The following SEMA6D variants were observed in gnomAD, a reference collection of about 807,000 sequenced individuals.
SEMA6D encodes the protein semaphorin 6D.
SEMA6D carries 35 observed loss-of-function variants against 106.6 expected under a neutral mutation model. The ratio of observed to expected loss-of-function variants is 0.33; its 90% CI spans 0.25 to 0.44. SEMA6D has a LOEUF of 0.44. Among genes scored for constraint, SEMA6D ranks in the 20% least tolerant of loss-of-function variants. The pLI, the probability that SEMA6D is intolerant of heterozygous loss-of-function variation, is 1.00. For missense variants in SEMA6D, 1,185 were observed against 1,345.9 expected (o/e 0.88, Z 1.87); for synonymous variants, 499 against 487.7 (o/e 1.02, Z -0.31).
intron 1 of SEMA6D, among the ~76,000 whole-genome samples, chr15:47,297,103 T>C (rs1328133882): frequency 6.6e-6 from 1 of 152,194 alleles, no homozygotes; most frequent in Non-Finnish European, 1.5e-5. Context: ...GAATTCCCCA[T>C]TGCAAGCCAG....
intron 3 of SEMA6D, among the ~76,000 whole-genome samples, chr15:47,490,986 T>C (rs1333540343): frequency 1.3e-5 from 2 of 152,158 alleles, no homozygotes; most frequent in African/African-American, 4.8e-5. Context: ...TGAGTTTTCA[T>C]TCACATTGCT....
chr15:47,353,542 A>G (rs1360017937), intron 1 of SEMA6D, among the ~76,000 whole-genome samples: 7 of 152,182 alleles, frequency 4.6e-5, no homozygotes, highest in Non-Finnish European at 1.0e-4. Flanking sequence ...GAAGAATTCT[A>G]TGATTTCATC....
intron 2 of SEMA6D, among the ~76,000 whole-genome samples, chr15:47,439,498 G>A (rs1210019982): frequency 6.6e-6 from 1 of 152,122 alleles, no homozygotes; most frequent in Non-Finnish European, 1.5e-5. Flanking sequence ...CTCTGGGTGT[G>A]TGAACTCTCC....
At chr15:47,490,178 G>T (rs568224157) in intron 3 of SEMA6D, among the ~76,000 whole-genome samples, 7 of 152,262 alleles carry the variant, frequency 4.6e-5, no homozygotes, top group African/African-American at 1.7e-4. Context: ...TTCCTTGGGG[G>T]AAAGGACTAT....
rs1236811913 is a variant in SEMA6D, at chr15:47,471,925, T to TGTCA, written c.-87+1380_-87+1381insGTCA. On this transcript the variant is annotated intron_variant, in intron 3 of 19. Transcript: ENST00000558014. ...CTCTTTCTCTCTCTCTCTCTCTCTCTCTCTCTCACACACACACACACACAC... is the reference window on the plus strand; with the variant it reads ...CTCTTTCTCTCTCTCTCTCTCTCTCTGTCACTCTCTCACACACACACACACACAC... Among the ~76,000 whole-genome samples, 118 of 127,650 alleles carry TGTCA rather than the reference T, an allele frequency of 9.2e-4. 1 individual carries two copies. The highest frequency in any genetic ancestry group is 4.0e-3 in the African/African-American group (114 of 28,554). The allele number at this position is 127,650 out of a possible 152,430, so 83.7% of individuals were successfully genotyped here. A position where few individuals can be genotyped will look rare whatever the true frequency, so the allele number is the denominator to read the frequency against.
chr15:47,528,851 A>T (rs2044850380), intron 3 of SEMA6D, among the ~76,000 whole-genome samples: 1 of 152,216 alleles, frequency 6.6e-6, no homozygotes, highest in East Asian at 1.9e-4. Context: ...AACACAGTTG[A>T]AAGTTCACAT....
chr15:47,310,448 G>T (rs2036405571), intron 1 of SEMA6D, among the ~76,000 whole-genome samples: 1 of 152,144 alleles, frequency 6.6e-6, no homozygotes, highest in Admixed American at 6.5e-5. Context: ...TATTTGCAAT[G>T]AGCCAATTGC....
At chr15:47,531,138 C>A (rs77869356) in intron 3 of SEMA6D, among the ~76,000 whole-genome samples, 3,048 of 152,122 alleles carry the variant, frequency 0.02, 104 homozygotes, top group African/African-American at 0.07. Context: ...GAAAATAGGT[C>A]AAAGACATAT....
chr15:47,433,571 A>AT (rs1041232232), intron 2 of SEMA6D, among the ~76,000 whole-genome samples: 49 of 152,094 alleles, frequency 3.2e-4, no homozygotes, highest in African/African-American at 1.2e-3. Flanking sequence ...CATTTAATTT[A>AT]TTTTTTGCTT....
intron 1 of SEMA6D, among the ~76,000 whole-genome samples, chr15:47,372,100 C>T (rs2039294341): frequency 6.6e-6 from 1 of 152,200 alleles, no homozygotes; most frequent in African/African-American, 2.4e-5. Flanking sequence ...ATCCCCAGTC[C>T]TCAGCTCTTC....
chr15:47,227,978 T>C (rs2031887701), intron 1 of SEMA6D, among the ~76,000 whole-genome samples: 2 of 89,112 alleles, frequency 2.2e-5, no homozygotes, highest in Non-Finnish European at 2.2e-5. Context: ...ATATATTTTA[T>C]ATATATAAGA....
chr15:47,418,328 G>A (rs1267923368), intron 2 of SEMA6D, among the ~76,000 whole-genome samples: 3 of 152,110 alleles, frequency 2.0e-5, no homozygotes, highest in Non-Finnish European at 2.9e-5. Flanking sequence ...CTGCCATGCC[G>A]AGAGTGTCTT....
At chr15:47,301,711 A>C (rs2036026751) in intron 1 of SEMA6D, among the ~76,000 whole-genome samples, 1 of 152,198 alleles carries the variant, frequency 6.6e-6, no homozygotes, top group Non-Finnish European at 1.5e-5. Flanking sequence ...TTTCCCTCTT[A>C]GCAACAGCTG....
In SEMA6D at chr15:47,456,079, C is replaced by G. The variant is rs948515165; in HGVS notation, c.-158-14395C>G. ...AGTGGTAACTGCTTTACCTATTATC[C>G]CACTTAATCTTATTGTTCTTTAGGA... On this transcript the variant is annotated intron_variant, in intron 2 of 19. Transcript: ENST00000558014. 2.0e-5 allele frequency among the ~76,000 whole-genome samples: 3 copies of G among 151,814 alleles called. No homozygotes were observed. In the South Asian group the frequency reaches 6.2e-4, roughly 31 times the overall value.
In SEMA6D at chr15:47,348,429, G is replaced by A. The variant is rs146186572; in HGVS notation, c.-238-63964G>A. On this transcript the variant is annotated intron_variant, in intron 1 of 19. Coordinates refer to the SEMA6D transcript ENST00000558014. Reference sequence around the variant, plus strand: ...TACACACATAAGTACTGCATATGTCGGCTATTTTTATTACTGTTGCTACTA... The same window carrying A: ...TACACACATAAGTACTGCATATGTCAGCTATTTTTATTACTGTTGCTACTA... 4.2e-3 allele frequency among the ~76,000 whole-genome samples: 640 copies of A among 151,910 alleles called. 5 individuals carry two copies. Among genetic ancestry groups the A allele is most frequent in the African/African-American group, 0.013 (541 of 41,390 alleles).
intron 4 of SEMA6D, among the ~76,000 whole-genome samples, chr15:47,632,061 G>A (rs2077302288): frequency 6.6e-6 from 1 of 151,784 alleles, no homozygotes; most frequent in Admixed American, 6.6e-5. Context: ...TTAGAAGTGT[G>A]TTGTTTAATT....
intron 4 of SEMA6D, among the ~76,000 whole-genome samples, chr15:47,681,991 C>A (rs2078363976): frequency 6.6e-6 from 1 of 151,998 alleles, no homozygotes; most frequent in Non-Finnish European, 1.5e-5. Context: ...AAATAATATT[C>A]AATTTTTATA....
At chr15:47,761,955 G>T (rs966775542) in intron 7 of SEMA6D, among the ~76,000 whole-genome samples, 1 of 152,144 alleles carries the variant, frequency 6.6e-6, no homozygotes, top group Non-Finnish European at 1.5e-5. Context: ...TTATGACACC[G>T]TGTTGTTAAC....
intron 3 of SEMA6D, among the ~76,000 whole-genome samples, chr15:47,485,117 G>A (rs2043259810): frequency 6.6e-6 from 1 of 152,156 alleles, no homozygotes; most frequent in Admixed American, 6.6e-5. Context: ...TTATGCTACA[G>A]GAGATTCACC....
Sources: allele counts gnomAD v4.1 joint callset (sites outside exome capture counted in the v4.1 genomes callset), GRCh38; gene constraint gnomAD v4.1.1; transcripts MANE v1.5; gene names NCBI Gene and HGNC (gene_info 2026-07-23, HGNC 2026-07-21).